Variants in EFCAB8 observed in about 807,000 individuals in gnomAD.
EFCAB8 encodes the protein EF-hand calcium binding domain 8, also known as EF-hand calcium-binding domain-containing protein 8.
A neutral mutation model predicts 116.3 loss-of-function variants in EFCAB8; 100 were observed. That is an observed-to-expected ratio of 0.86 (90% CI 0.73 to 1.02). The LOEUF (loss-of-function observed/expected upper bound fraction) is 1.02, where lower values mean the gene tolerates loss of function less well. Ranked by LOEUF, EFCAB8 falls within the 50% of genes least tolerant of loss-of-function variation. The pLI is 0.00. For missense variants in EFCAB8, 1,320 were observed against 1,416.9 expected (o/e 0.93, Z 1.10); for synonymous variants, 558 against 567.9 (o/e 0.98, Z 0.25).
intron 14 of EFCAB8, 72 bp downstream of exon 14, chr20:32,908,484 A>C (rs1600410894): frequency 8.1e-7 from 1 of 1,240,134 alleles, no homozygotes. Context: ...CCCATGGGAC[A>C]CCCAAGGGGT....
chr20:32,917,543 C>G (rs1317129802), intron 18 of EFCAB8, 38 bp downstream of exon 18: 4 of 1,520,404 alleles, frequency 2.6e-6, no homozygotes, highest in Non-Finnish European at 3.6e-6. Context: ...CCACCCTTCT[C>G]TCAGCTGTGA....
chr20:32,904,749 C>G (rs1986597360), intron 11 of EFCAB8, among the ~76,000 whole-genome samples: 1 of 151,958 alleles, frequency 6.6e-6, no homozygotes, highest in Admixed American at 6.6e-5. Flanking sequence ...GCGTCAGCCT[C>G]CTGAGTAGCT....
At chr20:32,924,956 A>G (rs546709769) in intron 20 of EFCAB8, among the ~76,000 whole-genome samples, 6 of 152,194 alleles carry the variant, frequency 3.9e-5, no homozygotes, top group Admixed American at 1.3e-4. Context: ...GAAGCATTTT[A>G]GGGTGGTGCC....
In EFCAB8 at chr20:32,961,591, C is replaced by T. The variant is rs1361711764; in HGVS notation, c.3849C>T (p.Ser1283=). 1.5e-6 allele frequency: 2 copies of T among 1,347,004 alleles called. No homozygotes were observed. The highest frequency in any genetic ancestry group is 1.9e-6 in the Non-Finnish European group (2 of 1,048,262). The allele number at this position is 1,347,004 out of a possible 1,614,324, so 83.4% of individuals were successfully genotyped here. A position where few individuals can be genotyped will look rare whatever the true frequency, so the allele number is the denominator to read the frequency against. The part of the protein sequence containing the change: ...KATFMSSVKG[S]SHVRF Reference sequence around the variant, plus strand: ...CCTTCATGTCCTCTGTGAAGGGGAGCTCCCATGTCAGGTTCTGAGGTGCTC... The same window carrying T: ...CCTTCATGTCCTCTGTGAAGGGGAGTTCCCATGTCAGGTTCTGAGGTGCTC... Residue 1283 remains serine (S), a synonymous_variant, in exon 27 of 27, where the codon AGC becomes AGT. Coordinates refer to ENST00000400522, the MANE Select transcript of EFCAB8 (RefSeq NM_001143967.2).
At chr20:32,859,574 A>T (rs1209896884) in intron 1 of EFCAB8, among the ~76,000 whole-genome samples, 1 of 152,226 alleles carries the variant, frequency 6.6e-6, no homozygotes, top group Admixed American at 6.5e-5. Context: ...TTATCTTACA[A>T]AATATTTAGT....
At chr20:32,906,415 C>A (rs1986675943) in intron 11 of EFCAB8, 147 bp from the exon 12 acceptor site, 5 of 625,980 alleles carry the variant, frequency 8.0e-6, no homozygotes, top group African/African-American at 1.8e-5. Flanking sequence ...TGGGGCTACT[C>A]CTCTCCTAGG....
At chr20:32,943,931 C>G in intron 23 of EFCAB8, 127 bp downstream of exon 23, 1 of 404,270 alleles carries the variant, frequency 2.5e-6, no homozygotes, top group Non-Finnish European at 4.4e-6. Flanking sequence ...ACTGCCTTCA[C>G]TTAAATAATA....
chr20:32,904,324 A>G (rs1736921159), intron 11 of EFCAB8, among the ~76,000 whole-genome samples: 1 of 150,794 alleles, frequency 6.6e-6, no homozygotes, highest in African/African-American at 2.4e-5. Flanking sequence ...TTTCGTGGAC[A>G]GGTTCTTGCT....
chr20:32,949,239 A>T (rs1004844470), intron 23 of EFCAB8, among the ~76,000 whole-genome samples: 35 of 152,322 alleles, frequency 2.3e-4, no homozygotes, highest in African/African-American at 7.7e-4. Context: ...AAATACCAAG[A>T]TATGTAAGTA....
In EFCAB8 at chr20:32,889,362, ACAATATGAACCTCG is replaced by A. The variant is rs1025827501; in HGVS notation, c.630_643del (p.Asn211CysfsTer13). ...TGGGTCATTGACATGGTATGTCTGCACAATATGAACCTCGTTGCAGTTGCGTCTACCAGGCAAAA... is the reference window on the plus strand; with the variant it reads ...TGGGTCATTGACATGGTATGTCTGCATTGCAGTTGCGTCTACCAGGCAAAA... On this transcript the variant is annotated frameshift_variant, in exon 7 of 27. Transcript: ENST00000400522. LOFTEE classifies it high-confidence loss of function. The A allele has an allele frequency of 1.3e-6, 2 of 1,551,864 alleles. No homozygotes were observed. The highest frequency in any genetic ancestry group is 1.7e-6 in the Non-Finnish European group (2 of 1,147,044).
intron 21 of EFCAB8, among the ~76,000 whole-genome samples, chr20:32,930,943 C>T (rs1490611866): frequency 6.6e-6 from 1 of 152,178 alleles, no homozygotes; most frequent in Non-Finnish European, 1.5e-5. Context: ...AGACATGAGG[C>T]AGGGGTGTGC....
At chr20:32,872,729 G>A (rs1984746937) in intron 3 of EFCAB8, among the ~76,000 whole-genome samples, 1 of 151,952 alleles carries the variant, frequency 6.6e-6, no homozygotes, top group Non-Finnish European at 1.5e-5. Context: ...AGGAGGTGGA[G>A]GTTGTAGTGA....
intron 7 of EFCAB8, among the ~76,000 whole-genome samples, chr20:32,890,440 T>C (rs1211623855): frequency 6.6e-6 from 1 of 152,230 alleles, no homozygotes; most frequent in Non-Finnish European, 1.5e-5. Context: ...TTCAGTGTCA[T>C]CTCACATGTA....
intron 23 of EFCAB8, among the ~76,000 whole-genome samples, chr20:32,948,147 G>A (rs771318276): frequency 3.3e-5 from 5 of 152,092 alleles, no homozygotes; most frequent in Non-Finnish European, 5.9e-5. Context: ...GAATGAGTGA[G>A]ATGACATCAT....
intron 10 of EFCAB8, among the ~76,000 whole-genome samples, chr20:32,897,966 T>A (rs141965882): frequency 6.6e-6 from 1 of 152,306 alleles, no homozygotes; most frequent in Non-Finnish European, 1.5e-5. Flanking sequence ...GTCACAGAGT[T>A]GGCGCCGGAG....
At chr20:32,897,175 A>G (rs893407079) in intron 10 of EFCAB8, among the ~76,000 whole-genome samples, 3 of 152,214 alleles carry the variant, frequency 2.0e-5, no homozygotes, top group Middle Eastern at 3.4e-3. Flanking sequence ...CTCCTAGGAC[A>G]ACCCTGTGCC....
intron 22 of EFCAB8, among the ~76,000 whole-genome samples, chr20:32,939,179 CTTTCTTTCTTTCTTTCTTTCTTTCCT>C (rs1988284290): frequency 7.2e-5 from 6 of 83,358 alleles, no homozygotes; most frequent in Middle Eastern, 6.0e-3. Context: ...TTCTTTCTTT[CTTTCTTTCTTTCTTTCTTTCTTTCCT>C]CTCTCTCTCT....
intron 17 of EFCAB8, among the ~76,000 whole-genome samples, chr20:32,915,609 G>A (rs1041438295): frequency 6.6e-6 from 1 of 151,318 alleles, no homozygotes; most frequent in Non-Finnish European, 1.5e-5. Context: ...CACCCTTAAT[G>A]GTCTATGCAT....
At chr20:32,917,589 C>A in intron 18 of EFCAB8, 84 bp downstream of exon 18, 1 of 1,403,948 alleles carries the variant, frequency 7.1e-7, no homozygotes, top group Non-Finnish European at 9.7e-7. Flanking sequence ...GTGGGGAGCA[C>A]CCTGGGAAGC....
Sources: allele counts gnomAD v4.1 joint callset (sites outside exome capture counted in the v4.1 genomes callset), GRCh38; gene constraint gnomAD v4.1.1; transcripts MANE v1.5; gene names NCBI Gene and HGNC (gene_info 2026-07-23, HGNC 2026-07-21).